The following ADRA1B variants were observed in gnomAD, a reference collection of about 807,000 sequenced individuals.
ADRA1B encodes the protein alpha-1B adrenergic receptor.
Under a neutral mutation model 17.9 loss-of-function variants are expected in ADRA1B, and 17 were observed. The ratio of observed to expected loss-of-function variants is 0.95; its 90% CI spans 0.65 to 1.42. ADRA1B has a LOEUF of 1.42. ADRA1B is among the 40% of genes most tolerant of loss of function. ADRA1B has a pLI of 0.00. For synonymous variants in ADRA1B, 366 were observed against 327.6 expected (o/e 1.12, Z -1.27); for missense variants, 681 against 722.1 (o/e 0.94, Z 0.65).
intron 1 of ADRA1B, among the ~76,000 whole-genome samples, chr5:159,927,326 C>A (rs888488248): frequency 1.3e-5 from 2 of 150,456 alleles, no homozygotes; most frequent in Non-Finnish European, 2.9e-5. Flanking sequence ...CAGATAGAGA[C>A]CTCTAAAGGC....
chr5:159,900,185 T>C (rs1462296633), intron 1 of ADRA1B, among the ~76,000 whole-genome samples: 1 of 152,158 alleles, frequency 6.6e-6, no homozygotes, highest in Admixed American at 6.5e-5. Context: ...CCACCTACCC[T>C]TTTTTTCTGA....
intron 1 of ADRA1B, among the ~76,000 whole-genome samples, chr5:159,939,278 AGTGTGT>A (rs70987981): frequency 0.089 from 8,715 of 97,950 alleles, 434 homozygotes; most frequent in Admixed American, 0.12. Context: ...AGAGAGAGAG[AGTGTGT>A]GTGTGTGTGT....
At chr5:159,961,846 A>G (rs755944279) in intron 1 of ADRA1B, among the ~76,000 whole-genome samples, 10 of 152,228 alleles carry the variant, frequency 6.6e-5, no homozygotes, top group Admixed American at 3.3e-4. Flanking sequence ...TTTGTAGACC[A>G]GATAAATGAT....
intron 1 of ADRA1B, among the ~76,000 whole-genome samples, chr5:159,970,609 T>C (rs1235789802): frequency 6.6e-6 from 1 of 152,192 alleles, no homozygotes; most frequent in East Asian, 1.9e-4. Flanking sequence ...GCAAAATGGC[T>C]GGGTCACAAG....
Position 159,881,005 on chromosome 5 carries a change from G to A in ADRA1B, c.-256+15799G>A, listed in dbSNP as rs956921486. 3.3e-5 allele frequency among the ~76,000 whole-genome samples: 5 copies of A among 151,998 alleles called. No homozygotes were observed. In the East Asian group the frequency reaches 7.7e-4, roughly 23 times the overall value. ...CTTTGGTCTTAATTAAAGATTGCCT[G>A]GTTTCCAGGAACAGTCTATTCTGGC... On this transcript the variant is annotated intron_variant, in intron 1 of 2. Coordinates refer to the ADRA1B transcript ENST00000641205.
intron 1 of ADRA1B, among the ~76,000 whole-genome samples, chr5:159,881,886 G>A (rs1010355046): frequency 1.1e-4 from 17 of 152,262 alleles, no homozygotes; most frequent in Admixed American, 6.5e-4. Flanking sequence ...CTGATTCAGA[G>A]CCATGAAGTC....
chr5:159,908,536 G>A (rs1046491457), intron 1 of ADRA1B, among the ~76,000 whole-genome samples: 1 of 152,138 alleles, frequency 6.6e-6, no homozygotes, highest in African/African-American at 2.4e-5. Flanking sequence ...CGTGATGCCA[G>A]CTTCCCTTCC....
intron 1 of ADRA1B, among the ~76,000 whole-genome samples, chr5:159,955,387 G>GA (rs983993188): frequency 9.9e-5 from 15 of 152,156 alleles, no homozygotes; most frequent in African/African-American, 3.6e-4. Flanking sequence ...GCACACCAGC[G>GA]AAAGGACAGA....
In ADRA1B at chr5:159,917,013, A is replaced by C; in HGVS notation, c.108A>C (p.Thr36=). 6.2e-7 allele frequency: 1 copy of C among 1,614,030 alleles called. No homozygotes were observed. Among genetic ancestry groups the C allele is most frequent in the Non-Finnish European group, 8.5e-7 (1 of 1,179,976 alleles). ...CCAACCAGACCTCGAGCAACTCCACACTGCCCCAGCTGGACATCACCAGGG... is the reference window on the plus strand; with the variant it reads ...CCAACCAGACCTCGAGCAACTCCACCCTGCCCCAGCTGGACATCACCAGGG... ...TGPNQTSSNS[T]LPQLDITRAI... is the part of the protein sequence containing the mutation. Residue 36 remains threonine (T), a synonymous_variant, in exon 1 of 2, where the codon ACA becomes ACC. Coordinates refer to ENST00000306675, the MANE Select transcript of ADRA1B (RefSeq NM_000679.4).
chr5:159,911,730 G>T (rs1243872201), upstream of ADRA1B, among the ~76,000 whole-genome samples: 2 of 152,176 alleles, frequency 1.3e-5, no homozygotes, highest in Non-Finnish European at 2.9e-5. Context: ...AGGTAGAAGA[G>T]AAGGCTTTGC....
At chr5:159,912,941 C>G (rs879577454), upstream of ADRA1B, among the ~76,000 whole-genome samples, 4 of 152,202 alleles carry the variant, frequency 2.6e-5, no homozygotes, top group Non-Finnish European at 2.9e-5. Context: ...CGGTACTTAG[C>G]ATGGTGCTTA....
chr5:159,907,505 G>GAA (rs35505013), intron 1 of ADRA1B, among the ~76,000 whole-genome samples: 43 of 149,940 alleles, frequency 2.9e-4, no homozygotes, highest in South Asian at 2.3e-3. Context: ...ATTTATGTCA[G>GAA]AAAAAAAAAA....
At chr5:159,913,324 A>T (rs1037894428), upstream of ADRA1B, among the ~76,000 whole-genome samples, 19 of 152,282 alleles carry the variant, frequency 1.2e-4, no homozygotes, top group South Asian at 8.3e-4. Flanking sequence ...ATGGGTCAAA[A>T]ATCAGCCAGA....
exon 1 of ADRA1B, chr5:159,865,163 C>T (rs1237518331): frequency 6.6e-6 from 1 of 152,126 alleles, no homozygotes. Context: ...TCTGAGGGAT[C>T]CTCACAGAAA....
chr5:159,974,461 C>T (rs183940928), downstream of ADRA1B, among the ~76,000 whole-genome samples: 3 of 152,174 alleles, frequency 2.0e-5, no homozygotes, highest in African/African-American at 7.2e-5. Flanking sequence ...AGGGTGAAAC[C>T]TCGTCTCTAC....
chr5:159,939,252 G>GGAGAGAGAGA lies in ADRA1B; in HGVS notation c.949+21416_949+21425dup, dbSNP rs67704328. Among the ~76,000 whole-genome samples, 32 of 99,822 alleles carry GGAGAGAGAGA rather than the reference G, an allele frequency of 3.2e-4. No homozygotes were observed. In the East Asian group the frequency reaches 3.8e-3, roughly 12 times the overall value. 65.5% of individuals were successfully genotyped at this position (99,822 alleles called of 152,430 possible). On this transcript the variant is annotated intron_variant, in intron 1 of 1. Coordinates refer to ENST00000306675, the MANE Select transcript of ADRA1B (RefSeq NM_000679.4). Reference sequence around the variant, plus strand: ...ATTCTCAGAGGCTCCTTTCTTTGAAGGAGAGAGAGAGAGAGAGAGAGAGAG... The same window carrying GGAGAGAGAGA: ...ATTCTCAGAGGCTCCTTTCTTTGAAGGAGAGAGAGAGAGAGAGAGAGAGAGAGAGAGAGAG...
intron 1 of ADRA1B, among the ~76,000 whole-genome samples, chr5:159,902,675 G>A (rs925140574): frequency 2.0e-5 from 3 of 152,138 alleles, no homozygotes; most frequent in African/African-American, 4.8e-5. Context: ...TCCCAAGTTT[G>A]TGTCTCCCAC....
chr5:159,943,605 G>A (rs1237361148), intron 1 of ADRA1B, among the ~76,000 whole-genome samples: 1 of 151,996 alleles, frequency 6.6e-6, no homozygotes, highest in African/African-American at 2.4e-5. Context: ...GTAAAGCCTC[G>A]AAATTCTTTT....
chr5:159,920,983 A>G (rs1754463539), intron 1 of ADRA1B, among the ~76,000 whole-genome samples: 1 of 152,216 alleles, frequency 6.6e-6, no homozygotes. Context: ...GGATGGCACA[A>G]GATTTCCATA....
Sources: allele counts gnomAD v4.1 joint callset (sites outside exome capture counted in the v4.1 genomes callset), GRCh38; gene constraint gnomAD v4.1.1; transcripts MANE v1.5; gene names NCBI Gene and HGNC (gene_info 2026-07-23, HGNC 2026-07-21).